The following PCDHA1 variants were observed in gnomAD, a reference collection of about 807,000 sequenced individuals.
The protein encoded by PCDHA1 is protocadherin alpha-1.
In PCDHA1, 42 loss-of-function variants were observed where a neutral mutation model predicts 61.3. The observed-to-expected ratio is 0.69, with a 90% CI of 0.54 to 0.89. The LOEUF (loss-of-function observed/expected upper bound fraction) is 0.89. Among genes scored for constraint, PCDHA1 ranks in the 40% least tolerant of loss-of-function variants. The probability of loss-of-function intolerance (pLI) is 0.00; values close to 1 mark genes in which losing one functional copy is unlikely to be tolerated. For missense variants in PCDHA1, 1,256 were observed against 1,235.3 expected (o/e 1.02, Z -0.25); for synonymous variants, 610 against 553.8 (o/e 1.10, Z -1.43).
chr5:140,831,954 TTA>T (rs1771776024), intron 1 of PCDHA1, among the ~76,000 whole-genome samples: 2 of 152,186 alleles, frequency 1.3e-5, no homozygotes, highest in South Asian at 4.1e-4. Flanking sequence ...AAGAAAAACT[TTA>T]TGTCATTTTA....
chr5:140,893,294 T>C (rs539821362), intron 1 of PCDHA1, among the ~76,000 whole-genome samples: 97 of 152,304 alleles, frequency 6.4e-4, no homozygotes, highest in African/African-American at 2.3e-3. Flanking sequence ...ATATGGTAGT[T>C]CTATTTGTAG....
At chr5:140,951,507 C>A (rs2094591964) in intron 1 of PCDHA1, among the ~76,000 whole-genome samples, 1 of 151,952 alleles carries the variant, frequency 6.6e-6, no homozygotes, top group African/African-American at 2.4e-5. Flanking sequence ...AAAAGGAAAG[C>A]GGCTCATCTT....
chr5:140,909,771 C>T (rs907087409), intron 1 of PCDHA1, among the ~76,000 whole-genome samples: 49 of 152,200 alleles, frequency 3.2e-4, no homozygotes, highest in African/African-American at 1.1e-3. Flanking sequence ...TCCAGGGACC[C>T]ACTGGACCCA....
intron 3 of PCDHA1, among the ~76,000 whole-genome samples, chr5:140,999,639 T>C (rs1554256919): frequency 6.6e-6 from 1 of 152,144 alleles, no homozygotes; most frequent in African/African-American, 2.4e-5. Context: ...TAGAGAAAAC[T>C]GTGCAGCCTG....
At chr5:140,842,325 C>A in intron 1 of PCDHA1, 2 of 1,607,094 alleles carry the variant, frequency 1.2e-6, no homozygotes, top group Non-Finnish European at 8.5e-7. Context: ...GGTCATTGCA[C>A]CGTTTTAGTG....
intron 1 of PCDHA1, among the ~76,000 whole-genome samples, chr5:140,922,023 T>TA (rs530025575): frequency 3.9e-5 from 6 of 151,968 alleles, no homozygotes; most frequent in African/African-American, 1.4e-4. Flanking sequence ...AAAATAAATA[T>TA]AAAAAATGTA....
At chr5:140,881,025 C>A (rs1554171683) in intron 1 of PCDHA1, among the ~76,000 whole-genome samples, 1 of 152,216 alleles carries the variant, frequency 6.6e-6, no homozygotes, top group Admixed American at 6.5e-5. Context: ...ATAAACCCAA[C>A]AGTCATTTCC....
At chr5:140,877,599 C>A in intron 1 of PCDHA1, 1 of 1,613,882 alleles carries the variant, frequency 6.2e-7, no homozygotes, top group South Asian at 1.1e-5. Flanking sequence ...CGGTGTCCAG[C>A]CTGCTGGTGC....
intron 1 of PCDHA1, among the ~76,000 whole-genome samples, chr5:140,945,559 A>T (rs1365534966): frequency 6.6e-6 from 1 of 152,096 alleles, no homozygotes; most frequent in Non-Finnish European, 1.5e-5. Flanking sequence ...GAAGCTGAAG[A>T]CATCATACTA....
intron 1 of PCDHA1, chr5:140,822,731 T>C: frequency 1.2e-6 from 2 of 1,613,236 alleles, no homozygotes; most frequent in Non-Finnish European, 1.7e-6. Context: ...GAAATTAATA[T>C]TGATGCCATG....
intron 1 of PCDHA1, among the ~76,000 whole-genome samples, chr5:140,936,528 T>C (rs2091012406): frequency 6.6e-6 from 1 of 152,244 alleles, no homozygotes; most frequent in Non-Finnish European, 1.5e-5. Flanking sequence ...TGAAATTGCT[T>C]TTGAATATAG....
chr5:140,875,854 G>C, intron 1 of PCDHA1: 1 of 1,614,160 alleles, frequency 6.2e-7, no homozygotes. Context: ...GGACATTAAC[G>C]ACAACCCGCC....
At chr5:140,851,037 T>C (rs1393971342) in intron 1 of PCDHA1, 4 of 1,398,626 alleles carry the variant, frequency 2.9e-6, no homozygotes, top group Non-Finnish European at 3.8e-6. Flanking sequence ...CCCTTAACAT[T>C]GGAGCCGACT....
At chr5:140,829,727 G>A (rs2150173512) in intron 1 of PCDHA1, 12 of 1,613,462 alleles carry the variant, frequency 7.4e-6, no homozygotes, top group East Asian at 4.5e-5. Flanking sequence ...GCCGCCTCTG[G>A]GCAGCAACGT....
At chr5:140,850,464 C>A (rs2041620287) in intron 1 of PCDHA1, 1 of 1,597,872 alleles carries the variant, frequency 6.3e-7, no homozygotes, top group Non-Finnish European at 8.6e-7. Flanking sequence ...CCACGGGGAG[C>A]CAGCGCTGAC....
At chr5:140,969,819 A>G (rs2096362307) in intron 1 of PCDHA1, among the ~76,000 whole-genome samples, 1 of 152,168 alleles carries the variant, frequency 6.6e-6, no homozygotes, top group African/African-American at 2.4e-5. Context: ...TATACTCTGG[A>G]CTGTCTACAG....
intron 3 of PCDHA1, among the ~76,000 whole-genome samples, chr5:141,007,029 T>C (rs2098299696): frequency 6.6e-6 from 1 of 152,154 alleles, no homozygotes; most frequent in Non-Finnish European, 1.5e-5. Context: ...ATATGGTATT[T>C]ATATCTATGG....
intron 1 of PCDHA1, chr5:140,857,847 CTG>C: frequency 6.3e-7 from 1 of 1,597,872 alleles, no homozygotes; most frequent in Non-Finnish European, 8.6e-7. Flanking sequence ...GACGCTGACT[CTG>C]GATACAACGC....
chr5:140,809,524 T>A (rs1764490216), intron 1 of PCDHA1: 1 of 1,614,024 alleles, frequency 6.2e-7, no homozygotes, highest in South Asian at 1.1e-5. Flanking sequence ...TACCTGACTC[T>A]AGGGACAGAG....
Sources: allele counts gnomAD v4.1 joint callset (sites outside exome capture counted in the v4.1 genomes callset), GRCh38; gene constraint gnomAD v4.1.1; transcripts MANE v1.5; gene names NCBI Gene and HGNC (gene_info 2026-07-23, HGNC 2026-07-21).